TXLNB: variants seen among roughly 807,000 people sequenced by gnomAD.
TXLNB encodes the protein beta-taxilin.
TXLNB carries 37 observed loss-of-function variants against 57.4 expected under a neutral mutation model. The observed-to-expected ratio is 0.64, with a 90% confidence interval of 0.50 to 0.85. The LOEUF (loss-of-function observed/expected upper bound fraction) is 0.85, where lower values mean the gene tolerates loss of function less well. TXLNB is among the 40% of genes least tolerant of loss of function. The probability of loss-of-function intolerance (pLI) is 0.00; values close to 1 mark genes in which losing one functional copy is unlikely to be tolerated. For missense variants in TXLNB, 848 were observed against 825.6 expected (o/e 1.03, Z -0.33); for synonymous variants, 302 against 309.6 (o/e 0.98, Z 0.26).
At chr6:139,309,560 T>C in the TXLNB span, among the ~76,000 whole-genome samples, 2 of 152,278 alleles carry the variant, frequency 1.3e-5, no homozygotes, top group East Asian at 3.9e-4. Flanking sequence ...TAGTCAATAT[T>C]GCCTCTTGTC....
the TXLNB span, among the ~76,000 whole-genome samples, chr6:139,231,468 C>A: frequency 6.6e-6 from 1 of 152,170 alleles, no homozygotes; most frequent in East Asian, 1.9e-4. Context: ...ATTCCAGGGG[C>A]TAGCACAGAA....
the TXLNB span, among the ~76,000 whole-genome samples, chr6:139,315,210 C>G: frequency 2.0e-5 from 3 of 152,144 alleles, no homozygotes; most frequent in Non-Finnish European, 4.4e-5. Flanking sequence ...TCCAACCTGA[C>G]CAATCCATAC....
chr6:139,313,669 T>C, the TXLNB span, among the ~76,000 whole-genome samples: 2 of 152,318 alleles, frequency 1.3e-5, no homozygotes, highest in Admixed American at 1.3e-4. Context: ...AGGTAAATTT[T>C]AATTATCAAT....
At chr6:139,186,571 A>G in the TXLNB span, among the ~76,000 whole-genome samples, 1 of 152,214 alleles carries the variant, frequency 6.6e-6, no homozygotes, top group Non-Finnish European at 1.5e-5. Flanking sequence ...AGTTTTCTTA[A>G]AAAGTTAAAC....
chr6:139,227,665 T>A, the TXLNB span, among the ~76,000 whole-genome samples: 1 of 152,198 alleles, frequency 6.6e-6, no homozygotes, highest in African/African-American at 2.4e-5. Context: ...ATAGATAAGT[T>A]GTGGTATATT....
At chr6:139,182,966 T>TTAGA in the TXLNB span, 4 of 152,312 alleles carry the variant, frequency 2.6e-5, no homozygotes, top group African/African-American at 9.6e-5. Flanking sequence ...GATTAAAAAT[T>TTAGA]TAGATATCTA....
chr6:139,247,582 A>G (rs560212554), intron 8 of TXLNB, among the ~76,000 whole-genome samples: 7 of 143,484 alleles, frequency 4.9e-5, no homozygotes, highest in Non-Finnish European at 9.0e-5. Flanking sequence ...TAGAAAAAGA[A>G]CTATTCTTCT....
intron 7 of TXLNB, 57 bp from the exon 8 acceptor site, chr6:139,247,966 T>C (rs904695172): frequency 2.9e-6 from 3 of 1,031,564 alleles, no homozygotes; most frequent in African/African-American, 3.3e-5. Context: ...AAACATGTCA[T>C]TGTTCATTAT....
chr6:139,194,696 T>C, the TXLNB span, among the ~76,000 whole-genome samples: 224 of 152,320 alleles, frequency 1.5e-3, 1 homozygote, highest in African/African-American at 5.1e-3. Context: ...GGCCTCTCAA[T>C]GTATTTCCAT....
At chr6:139,273,242 G>C (rs1016002384) in intron 3 of TXLNB, among the ~76,000 whole-genome samples, 1 of 152,072 alleles carries the variant, frequency 6.6e-6, no homozygotes, top group Non-Finnish European at 1.5e-5. Flanking sequence ...GCCCCTACCT[G>C]CTATATGCCA....
downstream of TXLNB, among the ~76,000 whole-genome samples, chr6:139,236,758 C>A (rs1025827026): frequency 2.0e-5 from 3 of 152,172 alleles, no homozygotes; most frequent in African/African-American, 7.2e-5. Context: ...GTGCCTGCCA[C>A]CACACCTGGC....
chr6:139,160,800 G>A, the TXLNB span, among the ~76,000 whole-genome samples: 2 of 152,174 alleles, frequency 1.3e-5, no homozygotes, highest in African/African-American at 4.8e-5. Context: ...CATTTATCTG[G>A]GGAGTGAAAT....
At chr6:139,170,741 A>C in the TXLNB span, among the ~76,000 whole-genome samples, 1 of 152,194 alleles carries the variant, frequency 6.6e-6, no homozygotes, top group Non-Finnish European at 1.5e-5. Flanking sequence ...GAACTTTGCT[A>C]TATATTCTTT....
At chr6:139,171,060 G>T in the TXLNB span, among the ~76,000 whole-genome samples, 1 of 152,122 alleles carries the variant, frequency 6.6e-6, no homozygotes, top group Admixed American at 6.5e-5. Flanking sequence ...CTGGTTTTGC[G>T]GGCAGAAGAT....
chr6:139,281,619 G>A lies in TXLNB; in HGVS notation c.425-4698C>T, dbSNP rs1331904692. On this transcript the variant is annotated intron_variant, in intron 2 of 9. Coordinates refer to ENST00000358430, the MANE Select transcript of TXLNB (RefSeq NM_153235.4). ...GCTGGAGTGCAGTGGCGCGATCTCGGCTCACTGCAAGCTCCGCCTCCCGGG... is the reference window on the plus strand; with the variant it reads ...GCTGGAGTGCAGTGGCGCGATCTCGACTCACTGCAAGCTCCGCCTCCCGGG... Among the ~76,000 whole-genome samples the A allele has an allele frequency of 3.0e-5, 3 of 100,968 alleles. 1 individual carries two copies. Among genetic ancestry groups the A allele is most frequent in the African/African-American group, 7.2e-5 (1 of 13,986 alleles). 66.2% of individuals were successfully genotyped at this position (100,968 alleles called of 152,430 possible).
At chr6:139,321,087 T>C in the TXLNB span, among the ~76,000 whole-genome samples, 11 of 152,200 alleles carry the variant, frequency 7.2e-5, no homozygotes, top group African/African-American at 2.7e-4. Context: ...ATTATTTGGG[T>C]TTTCTACCTT....
In TXLNB at chr6:139,244,682, C is replaced by A. The variant is rs147476352; in HGVS notation, c.1179G>T (p.Lys393Asn). 1.2e-6 allele frequency: 2 copies of A among 1,612,154 alleles called. No homozygotes were observed. The highest frequency in any genetic ancestry group is 2.2e-5 in the South Asian group (2 of 91,016). ...TFKQEMDKTT[K>N]KMKKLEKDTA... The stretch of plus-strand genomic sequence containing the variant: ...TGTCCTTTTCCAGCTTCTTCATTTT[C>A]TTAGTTGTCTACAGAAATTAGAGTG... Residue 393 changes from lysine (K) to asparagine (N), a missense_variant, in exon 9 of 10, where the codon AAG (lysine) becomes AAT (asparagine). Coordinates refer to ENST00000358430, the MANE Select transcript of TXLNB (RefSeq NM_153235.4).
At chr6:139,249,682 A>G (rs1776148381) in intron 7 of TXLNB, among the ~76,000 whole-genome samples, 1 of 152,226 alleles carries the variant, frequency 6.6e-6, no homozygotes, top group Non-Finnish European at 1.5e-5. Context: ...TTGCTTATCT[A>G]GAATGGGTTT....
the TXLNB span, among the ~76,000 whole-genome samples, chr6:139,222,273 T>C: frequency 1.3e-5 from 2 of 152,258 alleles, no homozygotes; most frequent in African/African-American, 4.8e-5. Context: ...AGATACAGCA[T>C]GAAAATATTA....
Sources: gnomAD v4.1 joint callset for allele counts (sites outside exome capture counted in the v4.1 genomes callset) on GRCh38, gnomAD v4.1.1 for gene constraint, MANE v1.5 for transcripts, NCBI Gene and HGNC (gene_info 2026-07-23, HGNC 2026-07-21) for gene names.